Variants in ARHGAP24 observed in about 807,000 individuals in gnomAD.
ARHGAP24 encodes the protein Rho GTPase activating protein 24.
Under a neutral mutation model 76.4 loss-of-function variants are expected in ARHGAP24, and 50 were observed. The ratio of observed to expected loss-of-function variants is 0.65; its 90% CI spans 0.52 to 0.83. The LOEUF (loss-of-function observed/expected upper bound fraction) is 0.83. Ranked by LOEUF, ARHGAP24 falls within the 40% of genes least tolerant of loss-of-function variation. The probability of loss-of-function intolerance (pLI) is 0.00; values close to 1 mark genes in which losing one functional copy is unlikely to be tolerated. For synonymous variants in ARHGAP24, 345 were observed against 323.3 expected, an observed-to-expected ratio of 1.07 and a Z score of -0.72; for missense variants, 930 against 914.2, an observed-to-expected ratio of 1.02 and a Z score of -0.22.
At chr4:85,888,242 A>T (rs1374314930) in intron 3 of ARHGAP24, among the ~76,000 whole-genome samples, 1 of 152,006 alleles carries the variant, frequency 6.6e-6, no homozygotes. Flanking sequence ...TTCTACTAAA[A>T]ATACAAAAAT....
intron 3 of ARHGAP24, among the ~76,000 whole-genome samples, chr4:85,814,515 C>A (rs987645749): frequency 6.6e-6 from 1 of 152,202 alleles, no homozygotes; most frequent in African/African-American, 2.4e-5. Flanking sequence ...AGTCCAAAAT[C>A]CAGCAGGGCA....
At chr4:85,845,610 C>T (rs1327997309) in intron 3 of ARHGAP24, among the ~76,000 whole-genome samples, 1 of 152,106 alleles carries the variant, frequency 6.6e-6, no homozygotes. Context: ...TTTGCTTACG[C>T]ACACTTAAGA....
At chr4:85,791,158 G>A (rs1172398472) in intron 3 of ARHGAP24, among the ~76,000 whole-genome samples, 1 of 152,134 alleles carries the variant, frequency 6.6e-6, no homozygotes, top group Non-Finnish European at 1.5e-5. Flanking sequence ...TCCATTAAAT[G>A]GCGTATGAGG....
intron 3 of ARHGAP24, among the ~76,000 whole-genome samples, chr4:85,753,713 A>T (rs1726357546): frequency 6.6e-6 from 1 of 152,178 alleles, no homozygotes; most frequent in Non-Finnish European, 1.5e-5. Flanking sequence ...ATTCTTCTGT[A>T]TAGCAATAGT....
intron 3 of ARHGAP24, among the ~76,000 whole-genome samples, chr4:85,746,273 A>G (rs907685310): frequency 3.3e-5 from 5 of 152,196 alleles, no homozygotes; most frequent in African/African-American, 1.2e-4. Flanking sequence ...GTTAAGAATC[A>G]TTTAGTGTTG....
intron 3 of ARHGAP24, among the ~76,000 whole-genome samples, chr4:85,830,355 T>G (rs1729927948): frequency 6.6e-6 from 1 of 152,200 alleles, no homozygotes; most frequent in African/African-American, 2.4e-5. Flanking sequence ...ATGAGATTAG[T>G]GGCTACCAGG....
chr4:85,820,668 A>G (rs77505791), intron 3 of ARHGAP24, among the ~76,000 whole-genome samples: 12,510 of 152,238 alleles, frequency 0.082, 709 homozygotes, highest in South Asian at 0.19. Flanking sequence ...AATAGTAATA[A>G]TTTTAAAAGA....
intron 2 of ARHGAP24, among the ~76,000 whole-genome samples, chr4:85,707,777 G>T (rs1724373976): frequency 6.6e-6 from 1 of 152,146 alleles, no homozygotes; most frequent in South Asian, 2.1e-4. Context: ...TCCGGCACAA[G>T]AATGAAAGTT....
At chr4:85,806,201 T>C (rs1006409376) in intron 3 of ARHGAP24, among the ~76,000 whole-genome samples, 2 of 152,142 alleles carry the variant, frequency 1.3e-5, no homozygotes, top group African/African-American at 4.8e-5. Context: ...GAGTGATAAA[T>C]TAAATCAGTT....
chr4:85,543,209 C>G (rs1725778419), intron 1 of ARHGAP24, among the ~76,000 whole-genome samples: 1 of 152,136 alleles, frequency 6.6e-6, no homozygotes, highest in South Asian at 2.1e-4. Flanking sequence ...GAACATGAGA[C>G]TAAGTTTGAA....
intron 1 of ARHGAP24, among the ~76,000 whole-genome samples, chr4:85,530,465 A>C (rs1725213239): frequency 6.6e-6 from 1 of 151,990 alleles, no homozygotes; most frequent in South Asian, 2.1e-4. Flanking sequence ...CTTCTAGAAC[A>C]CCATGCCTCA....
At position 85,662,129 on chromosome 4, in the gene ARHGAP24, A is replaced by C. The variant is rs563082960; in HGVS notation, c.181-59756A>C. On this transcript the variant is annotated intron_variant, in intron 2 of 9. Transcript: ENST00000395184. ...AAGGGTTGAACTAGTTTACAGTCCCACCAACAGTGTAAAAGTGTTCCTATT... is the reference window on the plus strand; with the variant it reads ...AAGGGTTGAACTAGTTTACAGTCCCCCCAACAGTGTAAAAGTGTTCCTATT... Among the ~76,000 whole-genome samples, 3 of 152,330 alleles carry C rather than the reference A, an allele frequency of 2.0e-5. No individual in the cohort carries two copies. The East Asian group carries it at 5.8e-4, about 29-fold the overall frequency.
In ARHGAP24 at chr4:85,718,277, T is replaced by A. The variant is rs186368000; in HGVS notation, c.181-3608T>A. 2.0e-4 allele frequency among the ~76,000 whole-genome samples: 31 copies of A among 152,234 alleles called. No individual in the cohort carries two copies. In the East Asian group the frequency reaches 6.0e-3, roughly 29 times the overall value. On this transcript the variant is annotated intron_variant, in intron 2 of 9. Coordinates refer to ENST00000395184, the MANE Select transcript of ARHGAP24 (RefSeq NM_001025616.3). The stretch of plus-strand genomic sequence containing the variant: ...ATTCAGCTTTTAAAAATGATGTAGA[T>A]GACTACACTTGGCATAACAACAATA...
intron 3 of ARHGAP24, among the ~76,000 whole-genome samples, chr4:85,769,178 T>G (rs2110077706): frequency 6.6e-6 from 1 of 152,338 alleles, no homozygotes; most frequent in South Asian, 2.1e-4. Context: ...AGGAAGTCAG[T>G]TCACATGTGG....
At chr4:85,649,011 A>ATGTGTGTGTGTGTGTGTG (rs3028048) in intron 2 of ARHGAP24, among the ~76,000 whole-genome samples, 1 of 147,924 alleles carries the variant, frequency 6.8e-6, no homozygotes, top group African/African-American at 2.6e-5. Flanking sequence ...ATTTGTAAAT[A>ATGTGTGTGTGTGTGTGTG]TGTGTGTGTG....
At chr4:85,660,815 A>AAAAAAAAAAAAAAAC in intron 2 of ARHGAP24, among the ~76,000 whole-genome samples, 1 of 150,146 alleles carries the variant, frequency 6.7e-6, no homozygotes, top group Non-Finnish European at 1.5e-5. Flanking sequence ...AAAAAAAAAA[A>AAAAAAAAAAAAAAAC]AATCTGTAGA....
At chr4:85,568,319 G>C (rs1194609504) in intron 1 of ARHGAP24, among the ~76,000 whole-genome samples, 1 of 151,488 alleles carries the variant, frequency 6.6e-6, no homozygotes, top group Non-Finnish European at 1.5e-5. Context: ...GCGGGGGGGA[G>C]GGGGGCGTGT....
intron 3 of ARHGAP24, among the ~76,000 whole-genome samples, chr4:85,863,601 G>A (rs1342518828): frequency 6.6e-6 from 1 of 151,956 alleles, no homozygotes; most frequent in African/African-American, 2.4e-5. Context: ...TCCTTAGGGC[G>A]ATTATTTACC....
chr4:85,631,237 G>A (rs768598346), intron 2 of ARHGAP24, among the ~76,000 whole-genome samples: 2 of 152,050 alleles, frequency 1.3e-5, no homozygotes, highest in African/African-American at 4.8e-5. Flanking sequence ...CACTTGAATA[G>A]ATATCTTTAA....
Sources: gnomAD v4.1 joint callset for allele counts (sites outside exome capture counted in the v4.1 genomes callset) on GRCh38, gnomAD v4.1.1 for gene constraint, MANE v1.5 for transcripts, NCBI Gene and HGNC (gene_info 2026-07-23, HGNC 2026-07-21) for gene names.